The following CPSF6 variants were observed in gnomAD, a reference collection of about 807,000 sequenced individuals.
The protein encoded by CPSF6 is cleavage and polyadenylation specific factor 6, also known as cleavage and polyadenylation specificity factor subunit 6.
CPSF6 carries 10 observed loss-of-function variants against 56.7 expected under a neutral mutation model. The observed-to-expected ratio is 0.18, with a 90% CI of 0.11 to 0.30. The LOEUF (loss-of-function observed/expected upper bound fraction) is 0.30. CPSF6 is among the 10% of genes least tolerant of loss of function. CPSF6 has a pLI of 1.00. For missense variants in CPSF6, 419 were observed against 722.9 expected, an observed-to-expected ratio of 0.58 and a Z score of 4.82; for synonymous variants, 248 against 244.8, an observed-to-expected ratio of 1.01 and a Z score of -0.12.
intron 2 of CPSF6, among the ~76,000 whole-genome samples, chr12:69,252,590 T>C (rs1318408724): frequency 6.6e-6 from 1 of 152,196 alleles, no homozygotes; most frequent in Admixed American, 6.5e-5. Flanking sequence ...ATAATAATAG[T>C]GCTTATATGG....
chr12:69,259,940 C>G, intron 7 of CPSF6, 104 bp from the exon 8 acceptor site: 1 of 1,154,852 alleles, frequency 8.7e-7, no homozygotes, highest in Non-Finnish European at 1.2e-6. Flanking sequence ...TATTTTATAG[C>G]ACAGTACTTT....
In CPSF6 at chr12:69,257,788, T is replaced by G; in HGVS notation, c.577T>G (p.Ser193Ala). 6.2e-7 allele frequency: 1 copy of G among 1,613,526 alleles called. No individual in the cohort carries two copies. The highest frequency in any genetic ancestry group is 8.5e-7 in the Non-Finnish European group (1 of 1,179,894). ...TAAAGCTGGTCCTCCAGGAGGCAGT[T>G]CCCGTGCAGCATTTCCACAAGGTGG... ...EGKAGPPGGS[S>A]RAAFPQGGRG... The change falls in exon 5 of 10, where the codon TCC (serine) becomes GCC (alanine). Residue 193 changes from serine (S) to alanine (A), a missense_variant. Around this residue, in one of 4 missense-constraint regions of CPSF6, gnomAD observed 211 missense variants for 296.0 expected, o/e 0.71. Transcript: ENST00000435070.
chr12:69,241,895 T>G (rs182729946), intron 1 of CPSF6, among the ~76,000 whole-genome samples: 1 of 151,930 alleles, frequency 6.6e-6, no homozygotes, highest in Non-Finnish European at 1.5e-5. Flanking sequence ...CCTTTTACAT[T>G]ACCGCTTCTT....
At chr12:69,243,654 G>T (rs1169666655) in intron 1 of CPSF6, among the ~76,000 whole-genome samples, 1 of 152,160 alleles carries the variant, frequency 6.6e-6, no homozygotes, top group African/African-American at 2.4e-5. Flanking sequence ...GCACACTTGT[G>T]TAGGGCACTC....
intron 1 of CPSF6, among the ~76,000 whole-genome samples, chr12:69,243,387 C>T (rs1592790629): frequency 6.6e-6 from 1 of 152,242 alleles, no homozygotes; most frequent in African/African-American, 2.4e-5. Context: ...TTCACGATGG[C>T]GGTATGTTCT....
rs771429557 is a variant in CPSF6, at chr12:69,258,714, T to A, written c.819T>A (p.Pro273=). The A allele has an allele frequency of 1.4e-5, 23 of 1,613,948 alleles. No individual in the cohort carries two copies. Among genetic ancestry groups the A allele is most frequent in the Non-Finnish European group, 1.9e-5 (23 of 1,180,012 alleles). Residue 273 remains proline, a synonymous_variant, in exon 6 of 10, where the codon CCT becomes CCA. Coordinates refer to ENST00000435070, the MANE Select transcript of CPSF6 (RefSeq NM_007007.3). This position sits in a 1 kb window ranked among gnomAD's most constrained non-coding sequence, Gnocchi z 4.2. ...LAGPPNRGDR[P]PPPVLFPGQP... ...GGCCTCCTAATCGAGGAGATCGCCC[T>A]CCACCACCAGTTCTTTTTCCTGGAC...
Position 69,269,655 on chromosome 12 carries a change from A to T in CPSF6, c.*147A>T, listed in dbSNP as rs1873152549. 1 of 286,534 alleles carries T rather than the reference A, an allele frequency of 3.5e-6. No individual in the cohort carries two copies. The highest frequency in any genetic ancestry group is 4.9e-5 in the Admixed American group (1 of 20,576). The allele number at this position is 286,534 out of a possible 1,614,324, so 17.7% of individuals were successfully genotyped here. ...AACAGGAATAGATCTGAATAAAGCA[A>T]ATCTGCATAAATGGTAACCAGTAGC... On this transcript the variant is annotated 3_prime_UTR_variant, in exon 10 of 10. Coordinates refer to ENST00000435070, the MANE Select transcript of CPSF6 (RefSeq NM_007007.3).
chr12:69,265,385 C>T (rs1250863071), intron 9 of CPSF6, among the ~76,000 whole-genome samples: 1 of 152,120 alleles, frequency 6.6e-6, no homozygotes, highest in African/African-American at 2.4e-5. Context: ...CCTCTTGTCA[C>T]TTCTTTGGAA....
At position 69,264,638 on chromosome 12, in the gene CPSF6, T is replaced by C. The variant is rs576123845; in HGVS notation, c.*3+2076T>C. Among the ~76,000 whole-genome samples the C allele has an allele frequency of 2.0e-5, 3 of 152,300 alleles. No homozygotes were observed. The South Asian group carries it at 6.2e-4, about 32-fold the overall frequency. ...TAATCAGAATTGAGTTGTAATACTG[T>C]ATGTGCCTTCATCCAAGAAAAATTT... is the stretch of plus-strand genomic sequence containing the variant. On this transcript the variant is annotated intron_variant, in intron 9 of 9. Coordinates refer to ENST00000435070, the MANE Select transcript of CPSF6 (RefSeq NM_007007.3).
intron 8 of CPSF6, among the ~76,000 whole-genome samples, chr12:69,260,920 T>C (rs1202447032): frequency 6.6e-6 from 1 of 152,202 alleles, no homozygotes; most frequent in African/African-American, 2.4e-5. Context: ...GCCATGCTCG[T>C]TATAATATTT....
At chr12:69,255,684 A>G (rs981159984) in intron 3 of CPSF6, among the ~76,000 whole-genome samples, 1 of 152,148 alleles carries the variant, frequency 6.6e-6, no homozygotes, top group Non-Finnish European at 1.5e-5. Context: ...GACTACAGGC[A>G]CACGCCACCA....
chr12:69,268,492 C>A (rs1873098078), intron 9 of CPSF6, among the ~76,000 whole-genome samples: 1 of 151,452 alleles, frequency 6.6e-6, no homozygotes, highest in Admixed American at 6.6e-5. Flanking sequence ...AATTGTAGAG[C>A]AAAAAGTATT....
chr12:69,252,907 TCTGA>T (rs991547769), intron 2 of CPSF6, 140 bp from the exon 3 acceptor site: 7 of 499,762 alleles, frequency 1.4e-5, no homozygotes, highest in South Asian at 7.1e-5. Flanking sequence ...AAAATTGGAG[TCTGA>T]CTGGCCATAA....
chr12:69,264,671 G>A (rs1346009428), intron 9 of CPSF6, among the ~76,000 whole-genome samples: 2 of 152,096 alleles, frequency 1.3e-5, no homozygotes, highest in African/African-American at 2.4e-5. Context: ...TTTTACATAA[G>A]CATTTCTAGT....
In CPSF6 at chr12:69,257,887, C is replaced by G. The variant is rs1872578015; in HGVS notation, c.676C>G (p.Pro226Ala). ...TCCTGGGCCAGCAGGACCAGGAGGG[C>G]CACCCCCACCTTTTCCAGGTAAAAC... ...RFPGPAGPGG[P>A]PPPFPAGQTP... The change falls in exon 5 of 10, where the codon CCA (proline) becomes GCA (alanine). Residue 226 changes from proline (P) to alanine (A), a missense_variant. Around this residue, in one of 4 missense-constraint regions of CPSF6, gnomAD observed 211 missense variants for 296.0 expected, o/e 0.71. Transcript: ENST00000435070. 2 of 1,596,980 alleles carry G rather than the reference C, an allele frequency of 1.3e-6. No homozygotes were observed. The highest frequency in any genetic ancestry group is 1.7e-6 in the Non-Finnish European group (2 of 1,173,998).
intron 1 of CPSF6, among the ~76,000 whole-genome samples, chr12:69,243,425 A>C (rs1471010139): frequency 6.6e-6 from 1 of 152,182 alleles, no homozygotes; most frequent in African/African-American, 2.4e-5. Flanking sequence ...TGCTTTTGTC[A>C]TTTGTGATCA....
chr12:69,260,997 CTGAA>C lies in CPSF6; in HGVS notation c.1469+812_1469+815del, dbSNP rs548773568. On this transcript the variant is annotated intron_variant, in intron 8 of 9. Transcript: ENST00000435070. ...AAAAATTTCTCGAATGAGGGAGTGA[CTGAA>C]TGAATGAATGATCTATCTTTTAGGT... Among the ~76,000 whole-genome samples the C allele has an allele frequency of 1.3e-3, 201 of 152,294 alleles. 1 individual carries two copies. Among genetic ancestry groups the C allele is most frequent in the Non-Finnish European group, 2.7e-3 (181 of 68,028 alleles).
At chr12:69,257,940 T>A (rs768620461) in intron 5 of CPSF6, 35 bp downstream of exon 5, 2 of 1,593,248 alleles carry the variant, frequency 1.3e-6, no homozygotes, top group East Asian at 4.5e-5. Flanking sequence ...GGATAAAACA[T>A]GTCTACCTAA....
In CPSF6 at chr12:69,251,141, G is replaced by A. The variant is rs1185676660; in HGVS notation, c.73G>A (p.Gly25Ser). Residue 25 changes from glycine to serine, a missense_variant, in exon 2 of 10, where the codon GGT becomes AGT. Transcript: ENST00000435070. ...GEEFNQEAEY[G>S]GHDQIDLYDD... ...TTCTGTATCTCAGGAAGCTGAATAT[G>A]GTGGGCATGATCAGATAGATTTGTA... is the stretch of plus-strand genomic sequence containing the variant. The A allele has an allele frequency of 1.2e-6, 2 of 1,610,076 alleles. No individual in the cohort carries two copies. Among genetic ancestry groups the A allele is most frequent in the Admixed American group, 3.3e-5 (2 of 59,940 alleles).
Sources: allele counts gnomAD v4.1 joint callset (sites outside exome capture counted in the v4.1 genomes callset), GRCh38; gene constraint gnomAD v4.1.1; regional missense constraint gnomAD v4.1.1; non-coding constraint Gnocchi (gnomAD v3.1); transcripts MANE v1.5; gene names NCBI Gene and HGNC (gene_info 2026-07-23, HGNC 2026-07-21).